Variants in INPP5A observed in about 807,000 individuals in gnomAD.
INPP5A encodes the protein inositol polyphosphate-5-phosphatase A.
A neutral mutation model predicts 65.2 loss-of-function variants in INPP5A; 14 were observed. That is an observed-to-expected ratio of 0.21 (90% CI 0.14 to 0.34). The LOEUF is 0.34. INPP5A is among the 10% of genes least tolerant of loss of function. The pLI, the probability that INPP5A is intolerant of heterozygous loss-of-function variation, is 1.00. For synonymous variants in INPP5A, 207 were observed against 208.3 expected, an observed-to-expected ratio of 0.99 and a Z score of 0.05; for missense variants, 431 against 545.6, an observed-to-expected ratio of 0.79 and a Z score of 2.09.
At position 132,663,443 on chromosome 10, in the gene INPP5A, A is replaced by G. The variant is rs1198042393; in HGVS notation, c.306+12938A>G. On this transcript the variant is annotated intron_variant, in intron 4 of 15. Coordinates refer to ENST00000368594, the MANE Select transcript of INPP5A (RefSeq NM_005539.5). The surrounding 1 kb of genome is among the most constrained non-coding windows in gnomAD (Gnocchi z 4.5). ...ACCGTGTTGCCCAGTCAGGTCTCCA[A>G]CTCCTGGCCTCAAGTGATCCTCTTG... Among the ~76,000 whole-genome samples, 1 of 151,980 alleles carries G rather than the reference A, an allele frequency of 6.6e-6. No individual in the cohort carries two copies. Among genetic ancestry groups the G allele is most frequent in the African/African-American group, 2.4e-5 (1 of 41,382 alleles).
At chr10:132,754,609 A>G (rs2134649422) in intron 11 of INPP5A, among the ~76,000 whole-genome samples, 1 of 152,302 alleles carries the variant, frequency 6.6e-6, no homozygotes, top group African/African-American at 2.4e-5. Flanking sequence ...TTTTATTTTT[A>G]CTTTGCACTG....
chr10:132,657,119 C>T (rs935420859), intron 4 of INPP5A, among the ~76,000 whole-genome samples: 3 of 152,214 alleles, frequency 2.0e-5, no homozygotes, highest in African/African-American at 7.2e-5. Flanking sequence ...TGGCCCCATG[C>T]ACTTGCTAAG....
At chr10:132,540,821 CTG>C (rs1198020037) in intron 1 of INPP5A, among the ~76,000 whole-genome samples, 1 of 152,258 alleles carries the variant, frequency 6.6e-6, no homozygotes, top group African/African-American at 2.4e-5. Flanking sequence ...CCAAGCTCGT[CTG>C]TGACCAGTGC....
intron 4 of INPP5A, among the ~76,000 whole-genome samples, chr10:132,673,481 A>G (rs1198828403): frequency 6.6e-6 from 1 of 152,188 alleles, no homozygotes; most frequent in Non-Finnish European, 1.5e-5. Context: ...CCTGCAAAGT[A>G]TTGCCACCTA....
chr10:132,753,323 G>A lies in INPP5A; in HGVS notation c.903+3478G>A. 6.6e-6 allele frequency among the ~76,000 whole-genome samples: 1 copy of A among 152,178 alleles called. No homozygotes were observed. On this transcript the variant is annotated intron_variant, in intron 11 of 15. Coordinates refer to ENST00000368594, the MANE Select transcript of INPP5A (RefSeq NM_005539.5). This position sits in a 1 kb window ranked among gnomAD's most constrained non-coding sequence, Gnocchi z 5.3. ...ACACACAGCACCGCAGCCATGGAGA[G>A]CAAACTCTCCGTCCGCAGGATGGAT... is the stretch of plus-strand genomic sequence containing the variant.
intron 6 of INPP5A, among the ~76,000 whole-genome samples, chr10:132,699,866 G>A (rs1046281434): frequency 6.6e-6 from 1 of 152,204 alleles, no homozygotes; most frequent in African/African-American, 2.4e-5. Flanking sequence ...AGCAAGCGGG[G>A]AGCTGAGGCC....
intron 9 of INPP5A, among the ~76,000 whole-genome samples, chr10:132,738,436 C>T (rs897788025): frequency 5.9e-5 from 9 of 152,262 alleles, no homozygotes; most frequent in East Asian, 1.9e-4. Context: ...CACGTCCAGC[C>T]GTGCCAGTGG....
intron 8 of INPP5A, among the ~76,000 whole-genome samples, chr10:132,718,486 C>T (rs1161546725): frequency 1.2e-5 from 1 of 80,852 alleles, no homozygotes; most frequent in African/African-American, 4.8e-5. Flanking sequence ...CCTGGGTTCT[C>T]TCTGGGCGCC....
At chr10:132,723,026 C>T (rs1229572130) in intron 8 of INPP5A, among the ~76,000 whole-genome samples, 1 of 152,228 alleles carries the variant, frequency 6.6e-6, no homozygotes, top group African/African-American at 2.4e-5. Flanking sequence ...TTGCGGCCGC[C>T]GTGCACCCTT....
At chr10:132,708,033 G>A (rs777460405) in intron 6 of INPP5A, among the ~76,000 whole-genome samples, 8 of 152,198 alleles carry the variant, frequency 5.3e-5, no homozygotes, top group Non-Finnish European at 1.2e-4. Context: ...TCACATGGGG[G>A]CATGGGGCTC....
intron 1 of INPP5A, among the ~76,000 whole-genome samples, chr10:132,596,976 CGT>C (rs796221835): frequency 7.6e-6 from 1 of 131,246 alleles, no homozygotes; most frequent in Non-Finnish European, 1.6e-5. Flanking sequence ...TGTGTGCATG[CGT>C]GTGTGCATGC....
At chr10:132,632,163 G>A (rs146772389) in intron 2 of INPP5A, among the ~76,000 whole-genome samples, 2 of 152,358 alleles carry the variant, frequency 1.3e-5, no homozygotes, top group East Asian at 1.9e-4. Context: ...ACACTGTGGC[G>A]TGGCCTTTCC....
chr10:132,719,045 T>C (rs1764958081), intron 8 of INPP5A, among the ~76,000 whole-genome samples: 1 of 148,558 alleles, frequency 6.7e-6, no homozygotes, highest in African/African-American at 2.5e-5. Context: ...ACCTGGGTTC[T>C]GTCTGGGCGC....
rs530943585 is a variant in INPP5A, at chr10:132,628,538, A to G, written c.118-17330A>G. ...TGTTTATTTCCTTTCCGGATGGGGA[A>G]GGCTTTTCTAAACTCCACATAGTTG... On this transcript the variant is annotated intron_variant, in intron 2 of 15. Coordinates refer to ENST00000368594, the MANE Select transcript of INPP5A (RefSeq NM_005539.5). Among the ~76,000 whole-genome samples, 11 of 137,380 alleles carry G rather than the reference A, an allele frequency of 8.0e-5. 1 individual carries two copies. The highest frequency in any genetic ancestry group is 7.0e-4 in the Admixed American group (9 of 12,862). The allele number at this position is 137,380 out of a possible 152,430, so 90.1% of individuals were successfully genotyped here.
chr10:132,750,199 G>C (rs1198621296), intron 11 of INPP5A, among the ~76,000 whole-genome samples: 3 of 152,274 alleles, frequency 2.0e-5, no homozygotes, highest in Admixed American at 6.5e-5. Context: ...TCACTCTGAA[G>C]TGGGAGACTG....
intron 4 of INPP5A, among the ~76,000 whole-genome samples, chr10:132,680,603 C>T (rs1365437343): frequency 1.3e-5 from 2 of 152,238 alleles, no homozygotes; most frequent in Non-Finnish European, 2.9e-5. Flanking sequence ...TGTGGGAGCC[C>T]CTTTCTGGGC....
rs11146454 is a variant in INPP5A, at chr10:132,663,702, C to A, written c.306+13197C>A. Among the ~76,000 whole-genome samples, 1 of 152,206 alleles carries A rather than the reference C, an allele frequency of 6.6e-6. No individual in the cohort carries two copies. The highest frequency in any genetic ancestry group is 2.4e-5 in the African/African-American group (1 of 41,434). On this transcript the variant is annotated intron_variant, in intron 4 of 15. Transcript: ENST00000368594. This position sits in a 1 kb window ranked among gnomAD's most constrained non-coding sequence, Gnocchi z 4.5. The stretch of plus-strand genomic sequence containing the variant: ...TGGAGTCTGTGCCTGTGGCAGCCGT[C>A]TGCATGACTTTGGGTCATTGCGCTT...
chr10:132,562,878 T>G (rs907640689), intron 1 of INPP5A, among the ~76,000 whole-genome samples: 1 of 151,974 alleles, frequency 6.6e-6, no homozygotes, highest in African/African-American at 2.4e-5. Flanking sequence ...CTCGGGGCGG[T>G]GGTGCCCTCC....
intron 8 of INPP5A, among the ~76,000 whole-genome samples, chr10:132,715,752 C>A (rs766271521): frequency 6.6e-6 from 1 of 152,240 alleles, no homozygotes. Context: ...CTGGTTCTCG[C>A]GCTCCTCACA....
Sources: allele counts gnomAD v4.1 joint callset (sites outside exome capture counted in the v4.1 genomes callset), GRCh38; gene constraint gnomAD v4.1.1; non-coding constraint Gnocchi (gnomAD v3.1); transcripts MANE v1.5; gene names NCBI Gene and HGNC (gene_info 2026-07-23, HGNC 2026-07-21).